Variants in ABCC10 observed in about 807,000 individuals in gnomAD.
ABCC10 encodes ATP binding cassette subfamily C member 10, also known as ATP-binding cassette sub-family C member 10.
In ABCC10, 110 loss-of-function variants were observed where a neutral mutation model predicts 143.2. The observed-to-expected ratio is 0.77, with a 90% CI of 0.66 to 0.90. ABCC10 has a LOEUF of 0.90. Among genes scored for constraint, ABCC10 ranks in the 40% least tolerant of loss-of-function variants. The pLI, the probability that ABCC10 is intolerant of heterozygous loss-of-function variation, is 0.00. For missense variants in ABCC10, 1,700 were observed against 1,900.5 expected (o/e 0.89, Z 1.96); for synonymous variants, 805 against 846.7 (o/e 0.95, Z 0.85).
In ABCC10 at chr6:43,444,861, G is replaced by A. The variant is rs1782862122; in HGVS notation, c.2763G>A (p.Glu921=). 1.2e-6 allele frequency: 2 copies of A among 1,613,932 alleles called. No homozygotes were observed. The highest frequency in any genetic ancestry group is 1.7e-5 in the Admixed American group (1 of 59,988). The change falls in exon 13 of 22, where the codon GAG becomes GAA. Residue 921 remains glutamate, a synonymous_variant. Transcript: ENST00000372530. ...SQLKAENSSQ[E]AQPSTSPASM... ...TGAAGGCTGAGAATAGCTCCCAGGA[G>A]GCGCAACCCTCCACCAGCCCAGCTT...
At chr6:43,430,881 T>G (rs1383804249) in intron 2 of ABCC10, 1 of 151,752 alleles carries the variant, frequency 6.6e-6, no homozygotes, top group African/African-American at 2.4e-5. Context: ...GTGCCACCAT[T>G]CCCTGCTAAT....
At chr6:43,445,335 G>A (rs1415426731) in intron 14 of ABCC10, 21 bp downstream of exon 14, 10 of 1,605,238 alleles carry the variant, frequency 6.2e-6, no homozygotes, top group Non-Finnish European at 7.7e-6. Context: ...GGGACCTCGG[G>A]GGTAGGGGAG....
Position 43,450,285 on chromosome 6 carries a change from C to T in ABCC10, c.*194C>T. On this transcript the variant is annotated 3_prime_UTR_variant, in exon 22 of 22. Transcript: ENST00000372530. The surrounding 1 kb of genome is among the most constrained non-coding windows in gnomAD (Gnocchi z 4.5). ...GCAGCATCCTGAGGCTTCCCCAGAA[C>T]CAGGCCTCTGCTCTGGCCCTCTTGC... is the stretch of plus-strand genomic sequence containing the variant. 8 of 864,550 alleles carry T rather than the reference C, an allele frequency of 9.3e-6. No individual in the cohort carries two copies. The highest frequency in any genetic ancestry group is 1.4e-5 in the Non-Finnish European group (8 of 587,960). 53.6% of individuals were successfully genotyped at this position (864,550 alleles called of 1,614,324 possible).
At chr6:43,429,371 CTTGTGTGTGTGTGTGTGTGTGTGT>C (rs1780868159) in intron 2 of ABCC10, among the ~76,000 whole-genome samples, 1 of 79,526 alleles carries the variant, frequency 1.3e-5, no homozygotes, top group Non-Finnish European at 2.1e-5. Flanking sequence ...TCTTTTCTTT[CTTGTGTGTGTGTGTGTGTGTGTGT>C]GTGTGTGTGT....
In ABCC10 at chr6:43,432,935, C is replaced by A. The variant is rs1239416250; in HGVS notation, c.955C>A (p.Pro319Thr). 6.2e-7 allele frequency: 1 copy of A among 1,614,170 alleles called. No individual in the cohort carries two copies. Among genetic ancestry groups the A allele is most frequent in the South Asian group, 1.1e-5 (1 of 91,088 alleles). The change falls in exon 3 of 22, where the codon CCA (proline) becomes ACA (threonine). Residue 319 changes from proline (P) to threonine (T), a missense_variant. By Grantham distance (38) the Pro-to-Thr change is conservative. Transcript: ENST00000372530. ...GGGCTTCCTGGAAGAGGGGCAGGAG[C>A]CACTAAGCCACGGCCTGCTCTATGC... is the stretch of plus-strand genomic sequence containing the variant. ...LVGFLEEGQEPLSHGLLYALG... is the reference protein window; with the variant it reads ...LVGFLEEGQETLSHGLLYALG...
Position 43,447,831 on chromosome 6 carries a change from G to A in ABCC10, c.3853G>A (p.Gly1285Ser), listed in dbSNP as rs752598583. The change falls in exon 18 of 22, where the codon GGC becomes AGC. Residue 1285 changes from glycine (G) to serine (S), a missense_variant. By Grantham distance (56) the Gly-to-Ser change is moderately conservative. Coordinates refer to ENST00000372530, the MANE Select transcript of ABCC10 (RefSeq NM_001198934.2). Reference sequence around the variant, plus strand: ...GGGCATCGTGGGCCGCACAGGCTCCGGCAAGTCTTCCCTGTTGTTGGTGCT... The same window carrying A: ...GGGCATCGTGGGCCGCACAGGCTCCAGCAAGTCTTCCCTGTTGTTGGTGCT... ...KLGIVGRTGS[G>S]KSSLLLVLFR... 7.4e-6 allele frequency: 12 copies of A among 1,613,594 alleles called. No individual in the cohort carries two copies. Among genetic ancestry groups the A allele is most frequent in the South Asian group, 5.5e-5 (5 of 91,090 alleles).
At chr6:43,429,372 T>TTGTG (rs1201780354) in intron 2 of ABCC10, among the ~76,000 whole-genome samples, 8,635 of 97,798 alleles carry the variant, frequency 0.088, 620 homozygotes, top group African/African-American at 0.15. Flanking sequence ...CTTTTCTTTC[T>TTGTG]TGTGTGTGTG....
At position 43,434,679 on chromosome 6, in the gene ABCC10, C is replaced by T. The variant is rs375271151; in HGVS notation, c.1439C>T (p.Ala480Val). The change falls in exon 4 of 22, where the codon GCA becomes GTA. Residue 480 changes from alanine (A) to valine (V), a missense_variant. Ala to Val is a moderately conservative substitution (Grantham distance 64, BLOSUM62 0). Coordinates refer to ENST00000372530, the MANE Select transcript of ABCC10 (RefSeq NM_001198934.2). The part of the protein sequence containing the change: ...RVIKFCGWEQ[A>V]LGARVEACRA... ...ATCAAGTTCTGCGGGTGGGAGCAGGCACTGGGAGCCCGAGTAGAGGCCTGC... is the reference window on the plus strand; with the variant it reads ...ATCAAGTTCTGCGGGTGGGAGCAGGTACTGGGAGCCCGAGTAGAGGCCTGC... The T allele has an allele frequency of 5.0e-6, 8 of 1,614,146 alleles. No individual in the cohort carries two copies. The South Asian group carries it at 6.6e-5, about 13-fold the overall frequency.
chr6:43,446,278 T>A lies in ABCC10; in HGVS notation c.3376T>A (p.Phe1126Ile), dbSNP rs775688296. Residue 1126 changes from phenylalanine to isoleucine, a missense_variant and splice_region_variant, in exon 16 of 22, where the codon TTT (phenylalanine) becomes ATT (isoleucine). Physicochemically the swap from Phe to Ile is conservative, Grantham distance 21. Coordinates refer to ENST00000372530, the MANE Select transcript of ABCC10 (RefSeq NM_001198934.2). ...VLRATGATYR[F>I]EEENLRLLEL... ...TCACATCCCTCTGGCCTTCCCTAGG[T>A]TTGAGGAGGAGAACCTGCGACTCCT... The A allele has an allele frequency of 6.2e-7, 1 of 1,612,784 alleles. No individual in the cohort carries two copies. The highest frequency in any genetic ancestry group is 8.5e-7 in the Non-Finnish European group (1 of 1,179,284).
intron 1 of ABCC10, 35 bp from the exon 2 acceptor site, chr6:43,427,932 AC>A (rs769474089): frequency 6.2e-7 from 1 of 1,606,406 alleles, no homozygotes; most frequent in Non-Finnish European, 8.5e-7. Flanking sequence ...GCCGGCTGTT[AC>A]CCTGCACAGC....
Position 43,447,733 on chromosome 6 carries a change from T to G in ABCC10, c.3755T>G (p.Val1252Gly). 6.2e-7 allele frequency: 1 copy of G among 1,613,994 alleles called. No homozygotes were observed. Among genetic ancestry groups the G allele is most frequent in the Non-Finnish European group, 8.5e-7 (1 of 1,180,006 alleles). ...GGGGGCGTGGAGTTCCAGGACGTGG[T>G]GTTGGCGTACCGGCCAGGGCTGCCG... The part of the protein sequence containing the change: ...TQGGVEFQDV[V>G]LAYRPGLPNA... Residue 1252 changes from valine to glycine, a missense_variant, in exon 18 of 22, where the codon GTG (valine) becomes GGG (glycine). Coordinates refer to ENST00000372530, the MANE Select transcript of ABCC10 (RefSeq NM_001198934.2).
intron 11 of ABCC10, 68 bp downstream of exon 11, chr6:43,444,078 G>T (rs774689470): frequency 3.1e-6 from 5 of 1,608,386 alleles, no homozygotes; most frequent in Non-Finnish European, 4.3e-6. Flanking sequence ...TTTCTACAAC[G>T]GCTGCCCGCT....
Position 43,445,261 on chromosome 6 carries a change from A to G in ABCC10, c.2977A>G (p.Thr993Ala). The change falls in exon 14 of 22, where the codon ACC becomes GCC. Residue 993 changes from threonine (T) to alanine (A), a missense_variant. Physicochemically the swap from Thr to Ala is moderately conservative, Grantham distance 58. Coordinates refer to ENST00000372530, the MANE Select transcript of ABCC10 (RefSeq NM_001198934.2). ...CCGGGCAGTGCTCTTTGCAGCAGGC[A>G]CCCTTCAAGCAGCTGCCACTCTGCA... ...LLRAVLFAAG[T>A]LQAAATLHRR... 1 of 1,611,606 alleles carries G rather than the reference A, an allele frequency of 6.2e-7. No homozygotes were observed. Among genetic ancestry groups the G allele is most frequent in the Non-Finnish European group, 8.5e-7 (1 of 1,179,154 alleles).
chr6:43,448,089 C>G, intron 18 of ABCC10, 152 bp downstream of exon 18: 1 of 1,243,334 alleles, frequency 8.0e-7, no homozygotes, highest in Non-Finnish European at 1.1e-6. Context: ...GCAAGGACAG[C>G]GAACTCCTAG....
intron 6 of ABCC10, among the ~76,000 whole-genome samples, chr6:43,437,668 C>T (rs1781893129): frequency 6.6e-6 from 1 of 152,146 alleles, no homozygotes; most frequent in Non-Finnish European, 1.5e-5. Flanking sequence ...CCCATTCTCT[C>T]TGGCATGCTG....
chr6:43,438,355 T>C, intron 7 of ABCC10: 1 of 1,417,296 alleles, frequency 7.1e-7, no homozygotes, highest in Non-Finnish European at 9.2e-7. Context: ...AAGTACAATG[T>C]GGTGGCCATA....
intron 18 of ABCC10, 145 bp from the exon 19 acceptor site, chr6:43,448,736 G>A: frequency 1.0e-6 from 1 of 978,556 alleles, no homozygotes; most frequent in Non-Finnish European, 1.5e-6. Flanking sequence ...TCATTTGGTG[G>A]GGATGGGGTG....
chr6:43,450,249 C>T lies in ABCC10; in HGVS notation c.*158C>T. Reference sequence around the variant, plus strand: ...ACCCTGGATTACTCTTTGGAAATCACTCCTTGGTGGGCAGCATCCTGAGGC... The same window carrying T: ...ACCCTGGATTACTCTTTGGAAATCATTCCTTGGTGGGCAGCATCCTGAGGC... On this transcript the variant is annotated 3_prime_UTR_variant, in exon 22 of 22. Transcript: ENST00000372530. This position sits in a 1 kb window ranked among gnomAD's most constrained non-coding sequence, Gnocchi z 4.5. 1.0e-6 allele frequency: 1 copy of T among 990,222 alleles called. No individual in the cohort carries two copies. The highest frequency in any genetic ancestry group is 1.4e-6 in the Non-Finnish European group (1 of 692,242). The allele number at this position is 990,222 out of a possible 1,614,324, so 61.3% of individuals were successfully genotyped here. A position where few individuals can be genotyped will look rare whatever the true frequency, so the allele number is the denominator to read the frequency against.
At position 43,443,760 on chromosome 6, in the gene ABCC10, G is replaced by A. The variant is rs1782722148; in HGVS notation, c.2417-173G>A. ...CGAGGTCTAGGGGTATCCAGAGCAG[G>A]GTGGGTTAGAGAGGGAGGCCTAAGA... On this transcript the variant is annotated intron_variant, in intron 10 of 21. Transcript: ENST00000372530. The surrounding 1 kb of genome is among the most constrained non-coding windows in gnomAD (Gnocchi z 4.2). The A allele has an allele frequency of 3.1e-6, 2 of 644,294 alleles. No homozygotes were observed. The highest frequency in any genetic ancestry group is 5.6e-6 in the Non-Finnish European group (2 of 360,208). 39.9% of individuals were successfully genotyped at this position (644,294 alleles called of 1,614,324 possible). A position where few individuals can be genotyped will look rare whatever the true frequency, so the allele number is the denominator to read the frequency against.
Sources: gnomAD v4.1 joint callset for allele counts (sites outside exome capture counted in the v4.1 genomes callset) on GRCh38, gnomAD v4.1.1 for gene constraint, Gnocchi (gnomAD v3.1) non-coding constraint, MANE v1.5 for transcripts, NCBI Gene and HGNC (gene_info 2026-07-23, HGNC 2026-07-21) for gene names.